NCALD: variants seen among roughly 807,000 people sequenced by gnomAD.
NCALD encodes neurocalcin delta, also known as neurocalcin-delta.
NCALD carries 10 observed loss-of-function variants against 18.6 expected under a neutral mutation model. The ratio of observed to expected loss-of-function variants is 0.54; its 90% CI spans 0.33 to 0.91. The LOEUF is 0.91. NCALD is among the 40% of genes least tolerant of loss of function. NCALD has a pLI of 0.03. For synonymous variants in NCALD, 88 were observed against 87.4 expected (o/e 1.01, Z -0.04); for missense variants, 184 against 247.6 (o/e 0.74, Z 1.72).
At position 101,790,883 on chromosome 8, in the gene NCALD, A is replaced by G. The variant is rs1239859927; in HGVS notation, c.-41T>C. On this transcript the variant is annotated 5_prime_UTR_variant, in exon 1 of 4. Coordinates refer to ENST00000220931, the MANE Select transcript of NCALD (RefSeq NM_032041.3). ...TTACCTCACTCAGAAGAAGTGCAAG[A>G]TTTAACAGTCCATGCTCTGCAGCCC... 1 of 152,288 alleles carries G rather than the reference A, an allele frequency of 6.6e-6. No homozygotes were observed. The highest frequency in any genetic ancestry group is 2.4e-5 in the African/African-American group (1 of 41,468). 9.4% of individuals were successfully genotyped at this position (152,288 alleles called of 1,614,324 possible).
At chr8:101,979,348 T>C (rs1037873379) in intron 2 of NCALD, among the ~76,000 whole-genome samples, 1 of 152,204 alleles carries the variant, frequency 6.6e-6, no homozygotes, top group African/African-American at 2.4e-5. Context: ...ACACTGTTCA[T>C]TGCATGTCTA....
In NCALD at chr8:101,780,960, G is replaced by A. The variant is rs147088553; in HGVS notation, c.-20+9902C>T. Reference sequence around the variant, plus strand: ...TGGTTCATTAACAGTATAGTCCTTGGCTATAATCCGTAGGCTGTTTTGACA... The same window carrying A: ...TGGTTCATTAACAGTATAGTCCTTGACTATAATCCGTAGGCTGTTTTGACA... On this transcript the variant is annotated intron_variant, in intron 1 of 3. Transcript: ENST00000220931. Among the ~76,000 whole-genome samples the A allele has an allele frequency of 6.2e-4, 95 of 152,190 alleles. No homozygotes were observed. In the East Asian group the frequency reaches 0.01, roughly 17 times the overall value.
intron 4 of NCALD, among the ~76,000 whole-genome samples, chr8:101,842,940 G>C (rs1329799172): frequency 6.6e-6 from 1 of 152,196 alleles, no homozygotes; most frequent in Non-Finnish European, 1.5e-5. Context: ...AAGAGAAAAA[G>C]AAAGTTATCT....
At chr8:101,837,210 G>C (rs2131272306) in intron 4 of NCALD, among the ~76,000 whole-genome samples, 1 of 152,220 alleles carries the variant, frequency 6.6e-6, no homozygotes, top group African/African-American at 2.4e-5. Flanking sequence ...TCCATTCACA[G>C]CTGGCACTCT....
intron 4 of NCALD, among the ~76,000 whole-genome samples, chr8:101,825,420 C>T (rs559509345): frequency 7.5e-4 from 115 of 152,328 alleles, no homozygotes; most frequent in African/African-American, 2.5e-3. Context: ...ACAGTCTCAA[C>T]GGAAGCATCC....
At chr8:101,845,032 A>G (rs1814808001) in intron 4 of NCALD, among the ~76,000 whole-genome samples, 1 of 152,178 alleles carries the variant, frequency 6.6e-6, no homozygotes, top group African/African-American at 2.4e-5. Context: ...TAAAGAAATG[A>G]AGGACAGAAG....
intron 2 of NCALD, among the ~76,000 whole-genome samples, chr8:101,954,266 T>A (rs984963629): frequency 6.6e-5 from 10 of 152,184 alleles, no homozygotes; most frequent in Non-Finnish European, 1.5e-4. Context: ...CAGGACTTTG[T>A]TCAGGCCAGA....
At chr8:101,881,559 C>G (rs1267011126) in intron 4 of NCALD, among the ~76,000 whole-genome samples, 1 of 152,132 alleles carries the variant, frequency 6.6e-6, no homozygotes, top group African/African-American at 2.4e-5. Flanking sequence ...TCATTTATGT[C>G]TCATTTAAGT....
At chr8:101,754,857 T>A (rs1810809826) in intron 1 of NCALD, among the ~76,000 whole-genome samples, 1 of 151,884 alleles carries the variant, frequency 6.6e-6, no homozygotes, top group Admixed American at 6.6e-5. Context: ...ATTGAATGAA[T>A]GAATGAATGA....
At chr8:102,044,100 T>A (rs1823153738) in intron 1 of NCALD, among the ~76,000 whole-genome samples, 3 of 152,008 alleles carry the variant, frequency 2.0e-5, no homozygotes, top group Admixed American at 2.0e-4. Context: ...ATGACCTTCA[T>A]TTTAAGCAGA....
intron 1 of NCALD, among the ~76,000 whole-genome samples, chr8:102,033,366 A>G (rs1161774375): frequency 6.6e-6 from 1 of 152,184 alleles, no homozygotes; most frequent in African/African-American, 2.4e-5. Flanking sequence ...CTTTGAATCA[A>G]CAACCCCTAG....
chr8:102,118,493 G>A (rs181390228), intron 1 of NCALD, among the ~76,000 whole-genome samples: 23 of 152,340 alleles, frequency 1.5e-4, no homozygotes, highest in Non-Finnish European at 3.1e-4. Flanking sequence ...GGATTTAGCA[G>A]AATTAATCAA....
intron 1 of NCALD, among the ~76,000 whole-genome samples, chr8:102,026,441 C>A (rs893702847): frequency 1.3e-5 from 2 of 152,196 alleles, no homozygotes; most frequent in Non-Finnish European, 1.5e-5. Context: ...AGGCCCCATG[C>A]AAGTCTGAAA....
rs78798639 is a variant in NCALD, at chr8:101,988,632, C to T, written c.-157+31605G>A. On this transcript the variant is annotated intron_variant, in intron 2 of 6. Coordinates refer to the NCALD transcript ENST00000311028. ...TTGTTATTATTGCTGTTGTCGTTAT[C>T]TGTGGTAGGGACAAAATTATTAATA... Among the ~76,000 whole-genome samples, 491 of 152,270 alleles carry T rather than the reference C, an allele frequency of 3.2e-3. 3 individuals are homozygous for T. Among genetic ancestry groups the T allele is most frequent in the Non-Finnish European group, 5.1e-3 (346 of 68,026 alleles).
At chr8:101,713,219 T>C (rs1346596403) in intron 2 of NCALD, among the ~76,000 whole-genome samples, 2 of 152,138 alleles carry the variant, frequency 1.3e-5, no homozygotes, top group Non-Finnish European at 1.5e-5. Context: ...ATAAGTCCTT[T>C]GAAACCAATG....
intron 1 of NCALD, among the ~76,000 whole-genome samples, chr8:101,735,221 G>C (rs1241422592): frequency 1.3e-5 from 2 of 152,162 alleles, no homozygotes; most frequent in Non-Finnish European, 2.9e-5. Flanking sequence ...ACCAGCACAG[G>C]GAGCCGATCT....
intron 1 of NCALD, among the ~76,000 whole-genome samples, chr8:102,094,233 G>A (rs983154591): frequency 6.6e-6 from 1 of 152,116 alleles, no homozygotes; most frequent in Non-Finnish European, 1.5e-5. Context: ...TATGAAATTT[G>A]CAACTTTATT....
In NCALD at chr8:101,896,536, G is replaced by A. The variant is rs1408587089; in HGVS notation, c.-106-9309C>T. Among the ~76,000 whole-genome samples the A allele has an allele frequency of 9.9e-5, 15 of 151,930 alleles. No individual in the cohort carries two copies. In the East Asian group the frequency reaches 1.4e-3, roughly 14 times the overall value. The stretch of plus-strand genomic sequence containing the variant: ...AAATGGGATCTAATGAAACTAAAGA[G>A]CTTCTGCACAGCAAAAGAAACTACC... On this transcript the variant is annotated intron_variant, in intron 3 of 6. Coordinates refer to the NCALD transcript ENST00000311028.
rs148062411 is a variant in NCALD at position 101,855,968 on chromosome 8, C to T, written c.-20+31173G>A. 8.9e-4 allele frequency among the ~76,000 whole-genome samples: 136 copies of T among 152,316 alleles called. 1 individual carries two copies. Among genetic ancestry groups the T allele is most frequent in the African/African-American group, 3.2e-3 (131 of 41,574 alleles). ...AAATATAGATATCCTCATGAACACT[C>T]ATACATCTTGCTGTGACACCCTCAG... is the stretch of plus-strand genomic sequence containing the variant. On this transcript the variant is annotated intron_variant, in intron 4 of 6. Coordinates refer to the NCALD transcript ENST00000311028.
Sources: allele counts gnomAD v4.1 joint callset (sites outside exome capture counted in the v4.1 genomes callset), GRCh38; gene constraint gnomAD v4.1.1; transcripts MANE v1.5; gene names NCBI Gene and HGNC (gene_info 2026-07-23, HGNC 2026-07-21).